Variants in IPO7 observed in about 807,000 individuals in gnomAD.
IPO7 encodes the protein importin-7.
A neutral mutation model predicts 136.4 loss-of-function variants in IPO7; 13 were observed. The observed-to-expected ratio is 0.10, with a 90% CI of 0.06 to 0.15. The LOEUF is 0.15. Among genes scored for constraint, IPO7 ranks in the 10% least tolerant of loss-of-function variants. The pLI, the probability that IPO7 is intolerant of heterozygous loss-of-function variation, is 1.00. For synonymous variants in IPO7, 403 were observed against 404.4 expected (o/e 1.00, Z 0.04); for missense variants, 857 against 1,240.6 (o/e 0.69, Z 4.65).
At chr11:9,437,723 T>C (rs1262326680) in intron 20 of IPO7, 31 bp from the exon 21 acceptor site, 1 of 1,457,386 alleles carries the variant, frequency 6.9e-7, no homozygotes, top group Admixed American at 1.7e-5. Flanking sequence ...TTAATTATAG[T>C]CTTAGAATAT....
chr11:9,437,633 T>C (rs1319608083), intron 20 of IPO7, 121 bp from the exon 21 acceptor site: 18 of 700,954 alleles, frequency 2.6e-5, no homozygotes, highest in Non-Finnish European at 4.0e-5. Context: ...GCCTCAGCAG[T>C]AAATATTGGT....
At chr11:9,398,507 A>G (rs767380564) in intron 1 of IPO7, among the ~76,000 whole-genome samples, 1 of 152,246 alleles carries the variant, frequency 6.6e-6, no homozygotes, top group Admixed American at 6.5e-5. Flanking sequence ...CTGGTGGAGC[A>G]TGCAAGAGAA....
intron 12 of IPO7, chr11:9,425,463 G>C: frequency 1.9e-6 from 1 of 519,656 alleles, no homozygotes; most frequent in Non-Finnish European, 3.4e-6. Context: ...AAAATAGGCC[G>C]GGTGTGGTGG....
Position 9,414,267 on chromosome 11 carries a change from A to G in IPO7, c.492A>G (p.Pro164=), listed in dbSNP as rs761862657. 1.2e-6 allele frequency: 2 copies of G among 1,607,240 alleles called. No individual in the cohort carries two copies. Among genetic ancestry groups the G allele is most frequent in the South Asian group, 1.1e-5 (1 of 89,482 alleles). ...TTCCTACTCAAAGGTATAAAAAACC[A>G]GAGGAGCGGAGTCCATTGGTAGCAG... The part of the protein sequence containing the change: ...QLVKNYEYKK[P]EERSPLVAAM... The change falls in exon 5 of 25, where the codon CCA becomes CCG. Residue 164 remains proline (P), a synonymous_variant. Coordinates refer to ENST00000379719, the MANE Select transcript of IPO7 (RefSeq NM_006391.3).
intron 1 of IPO7, among the ~76,000 whole-genome samples, chr11:9,401,505 G>A (rs1387668165): frequency 6.6e-6 from 1 of 150,874 alleles, no homozygotes; most frequent in Non-Finnish European, 1.5e-5. Context: ...GACCAGCCTG[G>A]GCAACATAGC....
In IPO7 at chr11:9,423,811, G is replaced by C. The variant is rs747680795; in HGVS notation, c.1076G>C (p.Cys359Ser). The C allele has an allele frequency of 3.7e-6, 6 of 1,607,916 alleles. No homozygotes were observed. Among genetic ancestry groups the C allele is most frequent in the Non-Finnish European group, 5.1e-6 (6 of 1,175,700 alleles). The change falls in exon 10 of 25, where the codon TGC becomes TCC. Residue 359 changes from cysteine to serine, a missense_variant. By Grantham distance (112) the Cys-to-Ser change is moderately radical. Transcript: ENST00000379719. Reference protein sequence around the residue: ...IIQDVIFPLMCYTDADEELWQ... With the variant: ...IIQDVIFPLMSYTDADEELWQ... ...CAAGATGTTATTTTTCCATTGATGT[G>C]CTATACAGATGCTGATGAGGAACTT... is the stretch of plus-strand genomic sequence containing the variant.
intron 22 of IPO7, 104 bp downstream of exon 22, chr11:9,438,389 G>A (rs1855413534): frequency 1.4e-6 from 1 of 711,956 alleles, no homozygotes; most frequent in Non-Finnish European, 2.4e-6. Flanking sequence ...CACTTTGGGA[G>A]GCTGAGGCAG....
At chr11:9,385,856 G>A (rs1457115731) in intron 1 of IPO7, among the ~76,000 whole-genome samples, 1 of 152,132 alleles carries the variant, frequency 6.6e-6, no homozygotes, top group Non-Finnish European at 1.5e-5. Flanking sequence ...TTAATGATCA[G>A]TATTTTAAAT....
chr11:9,426,039 A>G (rs1024065148), intron 12 of IPO7, among the ~76,000 whole-genome samples: 3 of 151,640 alleles, frequency 2.0e-5, no homozygotes, highest in Admixed American at 6.6e-5. Flanking sequence ...GGCGACAGAG[A>G]CTCCGTCTCA....
intron 5 of IPO7, 117 bp downstream of exon 5, chr11:9,414,528 T>A: frequency 1.6e-6 from 1 of 637,364 alleles, no homozygotes; most frequent in Non-Finnish European, 2.5e-6. Context: ...CTACATTAAG[T>A]GGATGATTTT....
intron 18 of IPO7, among the ~76,000 whole-genome samples, chr11:9,434,523 C>G (rs1428767248): frequency 1.3e-5 from 2 of 152,066 alleles, no homozygotes; most frequent in Non-Finnish European, 2.9e-5. Flanking sequence ...ATGTTAAGGC[C>G]AGGCTTAGTG....
At chr11:9,413,806 A>T (rs1372956269) in intron 4 of IPO7, among the ~76,000 whole-genome samples, 1 of 151,890 alleles carries the variant, frequency 6.6e-6, no homozygotes, top group East Asian at 1.9e-4. Flanking sequence ...ATTTGATTAT[A>T]TTTGTGTGAA....
chr11:9,428,139 A>AT (rs2133755033), intron 12 of IPO7, among the ~76,000 whole-genome samples: 1 of 152,146 alleles, frequency 6.6e-6, no homozygotes, highest in African/African-American at 2.4e-5. Flanking sequence ...GAAAAAAAAA[A>AT]GAGTGTGCCT....
At chr11:9,385,437 G>T (rs1241612520) in intron 1 of IPO7, among the ~76,000 whole-genome samples, 1 of 152,184 alleles carries the variant, frequency 6.6e-6, no homozygotes, top group Admixed American at 6.5e-5. Flanking sequence ...AGTAGTGCGG[G>T]ACACTCACAG....
Position 9,423,092 on chromosome 11 carries a change from A to G in IPO7, c.993A>G (p.Gln331=), listed in dbSNP as rs1855157083. The part of the protein sequence containing the change: ...VLQQTLNYIN[Q]GVSHALTWKN... ...AACAGACATTAAATTATATTAATCA[A>G]GGAGTTTCTCATGCTCTCACCTGGA... The change falls in exon 9 of 25, where the codon CAA becomes CAG. Residue 331 remains glutamine (Q), a synonymous_variant. Coordinates refer to ENST00000379719, the MANE Select transcript of IPO7 (RefSeq NM_006391.3). 1.3e-6 allele frequency: 2 copies of G among 1,594,382 alleles called. No homozygotes were observed. Among genetic ancestry groups the G allele is most frequent in the Middle Eastern group, 1.7e-4 (1 of 5,816 alleles).
intron 19 of IPO7, among the ~76,000 whole-genome samples, chr11:9,435,750 C>A (rs1438382956): frequency 6.6e-6 from 1 of 152,144 alleles, no homozygotes; most frequent in African/African-American, 2.4e-5. Context: ...GCCTTCAAGT[C>A]CATGTTCATT....
chr11:9,415,488 T>C (rs1303864600), intron 5 of IPO7, among the ~76,000 whole-genome samples: 2 of 152,208 alleles, frequency 1.3e-5, no homozygotes, highest in Admixed American at 6.5e-5. Flanking sequence ...TACACAGTAA[T>C]GGCTTTTATT....
intron 2 of IPO7, among the ~76,000 whole-genome samples, chr11:9,407,981 A>G (rs1480681763): frequency 6.6e-6 from 1 of 152,226 alleles, no homozygotes; most frequent in Non-Finnish European, 1.5e-5. Context: ...TTCTCCCATA[A>G]CATAATTTGA....
At chr11:9,397,341 A>AAAAAAAATATATATATATAT in intron 1 of IPO7, among the ~76,000 whole-genome samples, 13 of 10,762 alleles carry the variant, frequency 1.2e-3, no homozygotes, top group Admixed American at 8.4e-3. Context: ...TTTAAAAAAA[A>AAAAAAAATATATATATATAT]ATATATATAT....
Sources: gnomAD v4.1 joint callset for allele counts (sites outside exome capture counted in the v4.1 genomes callset) on GRCh38, gnomAD v4.1.1 for gene constraint, MANE v1.5 for transcripts, NCBI Gene and HGNC (gene_info 2026-07-23, HGNC 2026-07-21) for gene names.